UVRAG: variants seen among roughly 807,000 people sequenced by gnomAD.
UVRAG encodes the protein UV radiation resistance-associated gene protein.
UVRAG carries 19 observed loss-of-function variants against 78.0 expected under a neutral mutation model. The observed-to-expected ratio is 0.24, with a 90% confidence interval of 0.17 to 0.36. The LOEUF (loss-of-function observed/expected upper bound fraction) is 0.36, where lower values mean the gene tolerates loss of function less well. UVRAG is among the 10% of genes least tolerant of loss of function. The pLI is 1.00. For synonymous variants in UVRAG, 323 were observed against 324.6 expected (o/e 1.00, Z 0.05); for missense variants, 740 against 853.8 (o/e 0.87, Z 1.66).
chr11:75,993,098 T>C (rs772890441), intron 8 of UVRAG, among the ~76,000 whole-genome samples: 52 of 152,236 alleles, frequency 3.4e-4, no homozygotes, highest in Non-Finnish European at 6.6e-4. Flanking sequence ...AGGAATTATT[T>C]ACTGTCTGCA....
In UVRAG at chr11:76,131,027, A is replaced by G. The variant is rs76178732; in HGVS notation, c.1398-9684A>G. ...TGTCCAGATACTCCGAGGGGTCCCC[A>G]GGTATCATTCCTGGCATCTCTTTCC... On this transcript the variant is annotated intron_variant, in intron 14 of 14. Transcript: ENST00000356136. Among the ~76,000 whole-genome samples the G allele has an allele frequency of 1.1e-3, 172 of 151,546 alleles. 3 individuals are homozygous for G. The East Asian group carries it at 0.032, about 28-fold the overall frequency.
chr11:75,907,230 T>TA (rs1947635017), intron 5 of UVRAG, among the ~76,000 whole-genome samples: 1 of 152,232 alleles, frequency 6.6e-6, no homozygotes, highest in South Asian at 2.1e-4. Context: ...GGCTAGAACT[T>TA]AGAGTACAAA....
chr11:75,941,035 A>C (rs1464249742), intron 6 of UVRAG, among the ~76,000 whole-genome samples: 1 of 150,056 alleles, frequency 6.7e-6, no homozygotes, highest in Non-Finnish European at 1.5e-5. Context: ...CCATTCTGCA[A>C]AAAAAAAAAT....
chr11:75,976,017 T>C (rs1196853164), intron 7 of UVRAG, among the ~76,000 whole-genome samples: 1 of 152,224 alleles, frequency 6.6e-6, no homozygotes, highest in Admixed American at 6.5e-5. Context: ...CATAAATAGC[T>C]CTTATTATTT....
At chr11:75,887,781 G>A (rs1442562407) in intron 4 of UVRAG, among the ~76,000 whole-genome samples, 2 of 150,658 alleles carry the variant, frequency 1.3e-5, no homozygotes, top group African/African-American at 4.9e-5. Flanking sequence ...ACGGGGTTTC[G>A]CCATGTTGGC....
intron 8 of UVRAG, among the ~76,000 whole-genome samples, chr11:75,998,258 A>G (rs1350500173): frequency 6.6e-6 from 1 of 152,190 alleles, no homozygotes; most frequent in Non-Finnish European, 1.5e-5. Context: ...GAGGAAACCT[A>G]TGCCAGTTGT....
intron 3 of UVRAG, among the ~76,000 whole-genome samples, chr11:75,873,463 T>C (rs780052914): frequency 9.9e-5 from 15 of 152,030 alleles, no homozygotes; most frequent in African/African-American, 7.2e-5. Context: ...CAGAGAAGGC[T>C]GACAGTTAAA....
At chr11:75,992,695 A>G (rs1949634776) in intron 8 of UVRAG, among the ~76,000 whole-genome samples, 1 of 152,202 alleles carries the variant, frequency 6.6e-6, no homozygotes, top group Non-Finnish European at 1.5e-5. Context: ...GTAACCAGAT[A>G]CGTACTTGTT....
At chr11:76,012,138 A>AT (rs965816214) in intron 11 of UVRAG, among the ~76,000 whole-genome samples, 1 of 151,956 alleles carries the variant, frequency 6.6e-6, no homozygotes, top group Non-Finnish European at 1.5e-5. Context: ...GTGAGCTATG[A>AT]TTTTGCCACT....
intron 7 of UVRAG, among the ~76,000 whole-genome samples, chr11:75,980,713 C>CAGAG (rs1949372762): frequency 1.4e-5 from 2 of 147,244 alleles, no homozygotes; most frequent in Non-Finnish European, 3.0e-5. Flanking sequence ...TGGAGTTTCA[C>CAGAG]TCTCGTTGCC....
intron 3 of UVRAG, among the ~76,000 whole-genome samples, chr11:75,877,388 G>A (rs1385539715): frequency 1.3e-5 from 2 of 152,052 alleles, no homozygotes; most frequent in African/African-American, 4.8e-5. Flanking sequence ...CGGGGTGGTG[G>A]CTGGGCAGAG....
chr11:75,883,366 G>GACCAAAAAAAAAAAAAAAAA (rs796973314), intron 4 of UVRAG, among the ~76,000 whole-genome samples: 2 of 30,788 alleles, frequency 6.5e-5, no homozygotes, highest in African/African-American at 2.9e-4. Context: ...GAGTAACAGA[G>GACCAAAAAAAAAAAAAAAAA]AACAAAAAAA....
chr11:75,943,581 T>C lies in UVRAG; in HGVS notation c.594-17863T>C, dbSNP rs1948528143. Among the ~76,000 whole-genome samples the C allele has an allele frequency of 2.0e-5, 3 of 152,246 alleles. 1 individual carries two copies. Among genetic ancestry groups the C allele is most frequent in the Middle Eastern group, 6.8e-3 (2 of 294 alleles). On this transcript the variant is annotated intron_variant, in intron 6 of 14. Coordinates refer to ENST00000356136, the MANE Select transcript of UVRAG (RefSeq NM_003369.4). The stretch of plus-strand genomic sequence containing the variant: ...CTTGCCTGAAATGAGTTAGTTGAGA[T>C]GTAAATTGGAAATGCGAAGAGTTGA...
chr11:75,937,655 T>C (rs966163664), intron 6 of UVRAG, among the ~76,000 whole-genome samples: 3 of 152,216 alleles, frequency 2.0e-5, no homozygotes, highest in Non-Finnish European at 2.9e-5. Context: ...TGTCTTTTTT[T>C]CCTTGGGCTG....
intron 5 of UVRAG, among the ~76,000 whole-genome samples, chr11:75,908,957 T>G (rs1032203030): frequency 6.6e-6 from 1 of 152,188 alleles, no homozygotes; most frequent in Admixed American, 6.5e-5. Flanking sequence ...TTTATAAGCC[T>G]TCTTATTTCT....
At chr11:75,821,110 C>T (rs1006566327) in intron 1 of UVRAG, among the ~76,000 whole-genome samples, 2 of 152,150 alleles carry the variant, frequency 1.3e-5, no homozygotes, top group African/African-American at 4.8e-5. Flanking sequence ...CTGGTAAATT[C>T]TGTTCTACTT....
At chr11:75,828,766 T>C (rs1370310690) in intron 1 of UVRAG, among the ~76,000 whole-genome samples, 2 of 113,336 alleles carry the variant, frequency 1.8e-5, no homozygotes, top group African/African-American at 8.0e-5. Context: ...TATATATATA[T>C]ATATATATAC....
intron 3 of UVRAG, among the ~76,000 whole-genome samples, chr11:75,869,324 T>C (rs1946599073): frequency 2.0e-5 from 3 of 152,224 alleles, no homozygotes; most frequent in Admixed American, 2.0e-4. Flanking sequence ...GTTGAGATTG[T>C]GACTGAGGAG....
In UVRAG at chr11:76,008,810, G is replaced by A. The variant is rs967516367; in HGVS notation, c.1003G>A (p.Glu335Lys). ...TATTCTTTAATTAAATTCACAGAATGAACATAAGGATTACTTTGTATGCGG... is the reference window on the plus strand; with the variant it reads ...TATTCTTTAATTAAATTCACAGAATAAACATAAGGATTACTTTGTATGCGG... ...LSYIYPIDLN[E>K]HKDYFVCGVK... The change falls in exon 11 of 15, where the codon GAA (glutamate) becomes AAA (lysine). Residue 335 changes from glutamate to lysine, a missense_variant. Transcript: ENST00000356136. 13 of 1,452,300 alleles carry A rather than the reference G, an allele frequency of 9.0e-6. No homozygotes were observed. The highest frequency in any genetic ancestry group is 1.2e-5 in the Non-Finnish European group (13 of 1,076,012). 90.0% of individuals were successfully genotyped at this position (1,452,300 alleles called of 1,614,324 possible). A position where few individuals can be genotyped will look rare whatever the true frequency, so the allele number is the denominator to read the frequency against.
Sources: allele counts gnomAD v4.1 joint callset (sites outside exome capture counted in the v4.1 genomes callset), GRCh38; gene constraint gnomAD v4.1.1; transcripts MANE v1.5; gene names NCBI Gene and HGNC (gene_info 2026-07-23, HGNC 2026-07-21).